Variants in JMJD1C observed in about 807,000 individuals in gnomAD.
JMJD1C encodes jumonji domain containing 1C.
In JMJD1C, 31 loss-of-function variants were observed where a neutral mutation model predicts 245.3. That is an observed-to-expected ratio of 0.13 (90% confidence interval 0.09 to 0.17). JMJD1C has a LOEUF of 0.17. Among genes scored for constraint, JMJD1C ranks in the 10% least tolerant of loss-of-function variants. The pLI, the probability that JMJD1C is intolerant of heterozygous loss-of-function variation, is 1.00. For missense variants in JMJD1C, 2,691 were observed against 3,000.2 expected, an observed-to-expected ratio of 0.90 and a Z score of 2.41; for synonymous variants, 1,057 against 1,017.4, an observed-to-expected ratio of 1.04 and a Z score of -0.74.
intron 2 of JMJD1C, among the ~76,000 whole-genome samples, chr10:63,321,703 A>G (rs1275304421): frequency 6.6e-6 from 1 of 152,252 alleles, no homozygotes; most frequent in Non-Finnish European, 1.5e-5. Context: ...CCTCTGCACT[A>G]TCCTGAATTG....
chr10:63,500,410 G>A (rs1417444869), intron 1 of JMJD1C, among the ~76,000 whole-genome samples: 1 of 149,672 alleles, frequency 6.7e-6, no homozygotes, highest in African/African-American at 2.5e-5. Context: ...GCAACAGGGT[G>A]AGACCCTGTC....
chr10:63,327,799 G>A (rs1941697861), intron 2 of JMJD1C, among the ~76,000 whole-genome samples: 1 of 151,916 alleles, frequency 6.6e-6, no homozygotes, highest in Non-Finnish European at 1.5e-5. Flanking sequence ...CTCCCGAGTA[G>A]CTAGGATTAC....
intron 1 of JMJD1C, among the ~76,000 whole-genome samples, chr10:63,488,586 C>T (rs1289782455): frequency 6.6e-6 from 1 of 150,926 alleles, no homozygotes; most frequent in Admixed American, 6.6e-5. Context: ...ACTACTGACA[C>T]TACACAGCAG....
chr10:63,378,508 C>T (rs145330786), intron 2 of JMJD1C, among the ~76,000 whole-genome samples: 2,470 of 152,126 alleles, frequency 0.016, 66 homozygotes, highest in African/African-American at 0.056. Flanking sequence ...AGGAGAACTG[C>T]GTGAACCCGG....
intron 1 of JMJD1C, among the ~76,000 whole-genome samples, chr10:63,471,067 T>TTCATCATCCCTA (rs1304543901): frequency 6.6e-6 from 1 of 152,204 alleles, no homozygotes; most frequent in Admixed American, 6.5e-5. Context: ...TTTTTCTCTG[T>TTCATCATCCCTA]TCATCATCCC....
At chr10:63,194,924 G>T (rs1845267585) in intron 13 of JMJD1C, among the ~76,000 whole-genome samples, 1 of 152,162 alleles carries the variant, frequency 6.6e-6, no homozygotes, top group South Asian at 2.1e-4. Flanking sequence ...ATAGCATAGG[G>T]CATAACATAA....
intron 2 of JMJD1C, among the ~76,000 whole-genome samples, chr10:63,352,524 G>T (rs902112112): frequency 1.3e-5 from 2 of 151,486 alleles, no homozygotes; most frequent in East Asian, 3.9e-4. Context: ...TATAATTCCA[G>T]CTACTCAGGA....
chr10:63,233,719 T>C (rs1423105532), intron 3 of JMJD1C, among the ~76,000 whole-genome samples: 1 of 138,792 alleles, frequency 7.2e-6, no homozygotes, highest in Non-Finnish European at 1.5e-5. Flanking sequence ...TCTCCATATA[T>C]ACATATTATA....
At chr10:63,380,090 C>CCA in intron 2 of JMJD1C, 1 of 492,590 alleles carries the variant, frequency 2.0e-6, no homozygotes, top group Non-Finnish European at 3.6e-6. Flanking sequence ...CAGGTATGTG[C>CCA]CACCACATCC....
chr10:63,424,076 T>G (rs766212691), intron 1 of JMJD1C, among the ~76,000 whole-genome samples: 2 of 152,188 alleles, frequency 1.3e-5, no homozygotes, highest in Non-Finnish European at 2.9e-5. Flanking sequence ...TTTTTTTAAT[T>G]AAAAAATGGA....
At chr10:63,171,318 G>A (rs1312293745) in intron 24 of JMJD1C, among the ~76,000 whole-genome samples, 2 of 152,110 alleles carry the variant, frequency 1.3e-5, no homozygotes, top group African/African-American at 4.8e-5. Context: ...CTGAGTCCCA[G>A]TTACCAAGGT....
intron 2 of JMJD1C, among the ~76,000 whole-genome samples, chr10:63,282,125 T>C (rs1393982315): frequency 6.6e-6 from 1 of 152,248 alleles, no homozygotes; most frequent in Non-Finnish European, 1.5e-5. Context: ...CATTTCCATC[T>C]GGCAAACATC....
chr10:63,224,844 A>G (rs1243530534), intron 3 of JMJD1C, among the ~76,000 whole-genome samples: 1 of 152,106 alleles, frequency 6.6e-6, no homozygotes, highest in Non-Finnish European at 1.5e-5. Flanking sequence ...TGGGTGGATC[A>G]CGAGGTCAGG....
intron 2 of JMJD1C, among the ~76,000 whole-genome samples, chr10:63,325,808 T>C (rs1871341): frequency 0.015 from 2,256 of 152,314 alleles, 49 homozygotes; most frequent in African/African-American, 0.052. Context: ...GAATAAACTA[T>C]AAATCTCAGT....
intron 20 of JMJD1C, among the ~76,000 whole-genome samples, chr10:63,185,301 T>C (rs747532111): frequency 6.6e-6 from 1 of 152,156 alleles, no homozygotes; most frequent in Non-Finnish European, 1.5e-5. Context: ...TGGCTAATTT[T>C]TGTATTTTTT....
rs759807704 is a variant in JMJD1C at position 63,264,781 on chromosome 10, A to T, written c.334-17T>A. 8.3e-7 allele frequency: 1 copy of T among 1,199,624 alleles called. No homozygotes were observed. The highest frequency in any genetic ancestry group is 1.5e-5 in the African/African-American group (1 of 65,268). The allele number at this position is 1,199,624 out of a possible 1,614,324, so 74.3% of individuals were successfully genotyped here. On this transcript the variant is annotated splice_polypyrimidine_tract_variant and intron_variant, in intron 2 of 25. Coordinates refer to ENST00000399262, the MANE Select transcript of JMJD1C (RefSeq NM_032776.3). ...TTTGAAAGTCTGCCAAGAAAAAAAA[A>T]ATTTCTAATGATAATTTTCTGGGTA...
chr10:63,500,746 A>AGGATGGATGAATGGAT (rs796916951), intron 1 of JMJD1C, among the ~76,000 whole-genome samples: 2,595 of 112,172 alleles, frequency 0.023, 38 homozygotes, highest in Non-Finnish European at 0.034. Flanking sequence ...GATGGATGGA[A>AGGATGGATGAATGGAT]GGATGGATGG....
At chr10:63,327,963 C>T (rs1233757390) in intron 2 of JMJD1C, among the ~76,000 whole-genome samples, 3 of 152,022 alleles carry the variant, frequency 2.0e-5, no homozygotes, top group African/African-American at 7.2e-5. Flanking sequence ...AGCCACCATG[C>T]CCGGCTGAAA....
chr10:63,254,473 A>G (rs1853567229), intron 3 of JMJD1C, among the ~76,000 whole-genome samples: 1 of 152,228 alleles, frequency 6.6e-6, no homozygotes, highest in Non-Finnish European at 1.5e-5. Flanking sequence ...AATAGGAGAC[A>G]CTTCACACTG....
Sources: gnomAD v4.1 joint callset for allele counts (sites outside exome capture counted in the v4.1 genomes callset) on GRCh38, gnomAD v4.1.1 for gene constraint, MANE v1.5 for transcripts, NCBI Gene and HGNC (gene_info 2026-07-23, HGNC 2026-07-21) for gene names.